USP12: variants seen among roughly 807,000 people sequenced by gnomAD.
The protein encoded by USP12 is ubiquitin carboxyl-terminal hydrolase 12.
In USP12, 19 loss-of-function variants were observed where a neutral mutation model predicts 45.5. The observed-to-expected ratio is 0.42, with a 90% CI of 0.29 to 0.61. The LOEUF (loss-of-function observed/expected upper bound fraction) is 0.61. Ranked by LOEUF, USP12 falls within the 20% of genes least tolerant of loss-of-function variation. The pLI is 0.22. For synonymous variants in USP12, 149 were observed against 148.8 expected, an observed-to-expected ratio of 1.00 and a Z score of -0.01; for missense variants, 242 against 447.7, an observed-to-expected ratio of 0.54 and a Z score of 4.15.
intron 1 of USP12, among the ~76,000 whole-genome samples, chr13:27,122,937 C>CA (rs1218169158): frequency 1.3e-5 from 2 of 151,092 alleles, no homozygotes; most frequent in Non-Finnish European, 3.0e-5. Context: ...ACTAAAAATA[C>CA]AAAAAAATTA....
chr13:27,100,696 A>C (rs1874825024), intron 3 of USP12, among the ~76,000 whole-genome samples: 1 of 152,148 alleles, frequency 6.6e-6, no homozygotes, highest in Non-Finnish European at 1.5e-5. Context: ...ACCCACCTCA[A>C]ACAGGTCCAC....
chr13:27,170,091 T>C, intron 1 of USP12: 1 of 382,854 alleles, frequency 2.6e-6, no homozygotes, highest in Non-Finnish European at 4.6e-6. Context: ...GCCCAAACAA[T>C]TCTCCAAAAT....
intron 6 of USP12, among the ~76,000 whole-genome samples, chr13:27,081,009 A>T (rs1593173467): frequency 8.7e-5 from 10 of 114,638 alleles, no homozygotes; most frequent in East Asian, 2.5e-4. Flanking sequence ...GGCTGAGGCA[A>T]TTTTTTTTTT....
chr13:27,107,307 A>T (rs1406210331), intron 2 of USP12, among the ~76,000 whole-genome samples: 1 of 152,338 alleles, frequency 6.6e-6, no homozygotes, highest in South Asian at 2.1e-4. Flanking sequence ...CTTGGATGAC[A>T]AAGTGAGACT....
intron 2 of USP12, among the ~76,000 whole-genome samples, chr13:27,113,020 G>A (rs1292439570): frequency 6.6e-6 from 1 of 152,160 alleles, no homozygotes; most frequent in African/African-American, 2.4e-5. Flanking sequence ...GATCGCTTGA[G>A]ACCAGGGATT....
rs894889333 is a variant in USP12 at position 27,090,260 on chromosome 13, C to G, written c.574-102G>C. The G allele has an allele frequency of 8.7e-6, 8 of 917,704 alleles. No individual in the cohort carries two copies. The African/African-American group carries it at 1.3e-4, about 15-fold the overall frequency. 56.8% of individuals were successfully genotyped at this position (917,704 alleles called of 1,614,324 possible). A position where few individuals can be genotyped will look rare whatever the true frequency, so the allele number is the denominator to read the frequency against. ...CATTCTATTATTATCAGTAAGTAAA[C>G]AATTCTTTTCCCTCAAGTTCAAAAG... On this transcript the variant is annotated intron_variant, in intron 4 of 8. Coordinates refer to ENST00000282344, the MANE Select transcript of USP12 (RefSeq NM_182488.4).
In USP12 at chr13:27,099,990, T is replaced by C. The variant is rs932378233; in HGVS notation, c.344-4160A>G. On this transcript the variant is annotated intron_variant, in intron 3 of 8. Coordinates refer to ENST00000282344, the MANE Select transcript of USP12 (RefSeq NM_182488.4). ...ACAAGAGATAGTAGATCTAAAGCAC[T>C]GGGACACCATTCCCCTCTCCCTGCT... is the stretch of plus-strand genomic sequence containing the variant. 2.2e-4 allele frequency among the ~76,000 whole-genome samples: 34 copies of C among 152,214 alleles called. 1 individual carries two copies. Among genetic ancestry groups the C allele is most frequent in the Admixed American group, 1.3e-4 (2 of 15,276 alleles).
At chr13:27,082,886 A>C (rs1407406897) in intron 6 of USP12, among the ~76,000 whole-genome samples, 1 of 152,228 alleles carries the variant, frequency 6.6e-6, no homozygotes, top group African/African-American at 2.4e-5. Flanking sequence ...CCCAGGCTGG[A>C]GTGCAATGGC....
At chr13:27,138,449 G>A (rs935872474) in intron 1 of USP12, among the ~76,000 whole-genome samples, 6 of 152,148 alleles carry the variant, frequency 3.9e-5, no homozygotes, top group African/African-American at 7.2e-5. Flanking sequence ...CCCCTGTATC[G>A]CCCTCCAGAA....
chr13:27,083,933 C>T (rs1158407473), intron 6 of USP12, among the ~76,000 whole-genome samples: 4 of 151,286 alleles, frequency 2.6e-5, no homozygotes, highest in East Asian at 2.0e-4. Flanking sequence ...GGCGCAATCT[C>T]GGCTCACTGC....
At chr13:27,165,240 G>C (rs1230362116) in intron 1 of USP12, among the ~76,000 whole-genome samples, 1 of 151,962 alleles carries the variant, frequency 6.6e-6, no homozygotes, top group Non-Finnish European at 1.5e-5. Context: ...ATTATTCTAT[G>C]AACTATTCAA....
At chr13:27,113,925 A>T (rs776464235) in intron 2 of USP12, among the ~76,000 whole-genome samples, 1 of 152,226 alleles carries the variant, frequency 6.6e-6, no homozygotes, top group East Asian at 1.9e-4. Context: ...TTTCATTTTT[A>T]TTTATTTCTA....
At chr13:27,137,685 G>C (rs1876868404) in intron 1 of USP12, among the ~76,000 whole-genome samples, 1 of 152,212 alleles carries the variant, frequency 6.6e-6, no homozygotes, top group Non-Finnish European at 1.5e-5. Context: ...ATCTCAGCCT[G>C]CTAGTATCCA....
At chr13:27,090,537 A>G (rs1874261856) in intron 4 of USP12, among the ~76,000 whole-genome samples, 1 of 152,194 alleles carries the variant, frequency 6.6e-6, no homozygotes, top group Non-Finnish European at 1.5e-5. Context: ...GGATATCTGT[A>G]TTGTCATTAA....
At chr13:27,109,857 C>T (rs1322478213) in intron 2 of USP12, among the ~76,000 whole-genome samples, 2 of 139,766 alleles carry the variant, frequency 1.4e-5, no homozygotes, top group Admixed American at 1.6e-4. Flanking sequence ...TGCAGTGAGC[C>T]GAGATGGTGC....
intron 1 of USP12, among the ~76,000 whole-genome samples, chr13:27,148,446 C>T (rs1281443502): frequency 6.6e-5 from 10 of 151,662 alleles, no homozygotes; most frequent in South Asian, 2.1e-4. Flanking sequence ...GAGGCCGAGG[C>T]GGGCAGATCA....
At chr13:27,130,396 G>A (rs184438972) in intron 1 of USP12, among the ~76,000 whole-genome samples, 1 of 152,170 alleles carries the variant, frequency 6.6e-6, no homozygotes, top group Admixed American at 6.5e-5. Flanking sequence ...AAGGAATACA[G>A]ACTTTGCAAA....
At chr13:27,105,589 T>G in intron 3 of USP12, 142 bp downstream of exon 3, 1 of 750,836 alleles carries the variant, frequency 1.3e-6, no homozygotes. Flanking sequence ...AGTGCCTCTT[T>G]GAAGAAAGGC....
intron 1 of USP12, among the ~76,000 whole-genome samples, chr13:27,163,716 G>T (rs1199384908): frequency 6.8e-6 from 1 of 148,010 alleles, no homozygotes; most frequent in Non-Finnish European, 1.5e-5. Flanking sequence ...GCCAAGGCAG[G>T]AGGATGGTTT....
Sources: allele counts gnomAD v4.1 joint callset (sites outside exome capture counted in the v4.1 genomes callset), GRCh38; gene constraint gnomAD v4.1.1; transcripts MANE v1.5; gene names NCBI Gene and HGNC (gene_info 2026-07-23, HGNC 2026-07-21).